Variants in MGMT observed in about 807,000 individuals in gnomAD.
MGMT encodes the protein O-6-methylguanine-DNA methyltransferase.
In MGMT, 14 loss-of-function variants were observed where a neutral mutation model predicts 15.9. That is an observed-to-expected ratio of 0.88 (90% CI 0.58 to 1.37). The LOEUF (loss-of-function observed/expected upper bound fraction) is 1.37. Among genes scored for constraint, MGMT ranks in the 40% most tolerant of loss-of-function variants. The probability of loss-of-function intolerance (pLI) is 0.00; values close to 1 mark genes in which losing one functional copy is unlikely to be tolerated. For synonymous variants in MGMT, 130 were observed against 118.2 expected, an observed-to-expected ratio of 1.10 and a Z score of -0.65; for missense variants, 282 against 268.1, an observed-to-expected ratio of 1.05 and a Z score of -0.36.
intron 2 of MGMT, among the ~76,000 whole-genome samples, chr10:129,683,898 G>A (rs1280076299): frequency 6.6e-6 from 1 of 152,166 alleles, no homozygotes; most frequent in African/African-American, 2.4e-5. Context: ...GCTCAAAACA[G>A]TTGCCTGATG....
intron 2 of MGMT, among the ~76,000 whole-genome samples, chr10:129,683,146 G>A (rs1226695885): frequency 6.6e-6 from 1 of 152,254 alleles, no homozygotes; most frequent in East Asian, 1.9e-4. Context: ...ACCACGCCCA[G>A]CCCATACCCA....
intron 2 of MGMT, among the ~76,000 whole-genome samples, chr10:129,572,334 A>G (rs1348452756): frequency 6.6e-6 from 1 of 152,262 alleles, no homozygotes; most frequent in Non-Finnish European, 1.5e-5. Context: ...CAAATCTTAG[A>G]TTAACACTGA....
intron 2 of MGMT, among the ~76,000 whole-genome samples, chr10:129,600,861 C>T (rs963743471): frequency 1.3e-5 from 2 of 152,144 alleles, no homozygotes; most frequent in Non-Finnish European, 2.9e-5. Context: ...AATTAGAAAA[C>T]ATTTTTCATA....
intron 2 of MGMT, among the ~76,000 whole-genome samples, chr10:129,610,090 T>G (rs1846941921): frequency 6.6e-6 from 1 of 152,240 alleles, no homozygotes; most frequent in South Asian, 2.1e-4. Flanking sequence ...TGGAGTATGC[T>G]TTGGTCTATT....
At position 129,603,821 on chromosome 10, in the gene MGMT, G is replaced by A. The variant is rs1466389187; in HGVS notation, c.125+67444G>A. Among the ~76,000 whole-genome samples the A allele has an allele frequency of 2.6e-5, 4 of 152,182 alleles. No individual in the cohort carries two copies. The East Asian group carries it at 7.7e-4, about 29-fold the overall frequency. ...TTAAGGGCTGTATTGAAAATAATCAGTTATTTTTATGTAATTTGAAAGTAA... is the reference window on the plus strand; with the variant it reads ...TTAAGGGCTGTATTGAAAATAATCAATTATTTTTATGTAATTTGAAAGTAA... On this transcript the variant is annotated intron_variant, in intron 2 of 4. Coordinates refer to ENST00000651593, the MANE Select transcript of MGMT (RefSeq NM_002412.5).
chr10:129,570,044 T>A (rs1846399420), intron 2 of MGMT, among the ~76,000 whole-genome samples: 1 of 152,240 alleles, frequency 6.6e-6, no homozygotes, highest in South Asian at 2.1e-4. Context: ...GAAGAGAAAG[T>A]TCCATTTCCC....
chr10:129,669,139 G>C (rs1035179392), intron 2 of MGMT, among the ~76,000 whole-genome samples: 4 of 152,042 alleles, frequency 2.6e-5, no homozygotes, highest in Non-Finnish European at 5.9e-5. Context: ...TAAAATTATA[G>C]GACACTAGGT....
At chr10:129,646,098 A>G (rs936571332) in intron 2 of MGMT, among the ~76,000 whole-genome samples, 10 of 137,594 alleles carry the variant, frequency 7.3e-5, no homozygotes, top group African/African-American at 2.9e-4. Flanking sequence ...TATGACATTT[A>G]TAAGCCAGAC....
At chr10:129,688,855 G>A (rs1393128246) in intron 2 of MGMT, among the ~76,000 whole-genome samples, 1 of 152,154 alleles carries the variant, frequency 6.6e-6, no homozygotes, top group African/African-American at 2.4e-5. Flanking sequence ...CATCAGACCT[G>A]AGGGACATCA....
intron 2 of MGMT, among the ~76,000 whole-genome samples, chr10:129,565,721 G>C (rs1041177740): frequency 6.6e-6 from 1 of 152,160 alleles, no homozygotes; most frequent in Non-Finnish European, 1.5e-5. Flanking sequence ...TCTGAACGTG[G>C]TGATGGAAGA....
intron 1 of MGMT, among the ~76,000 whole-genome samples, chr10:129,516,606 C>T (rs762530465): frequency 5.3e-5 from 8 of 152,194 alleles, no homozygotes; most frequent in Non-Finnish European, 8.8e-5. Flanking sequence ...AAGAATTCCT[C>T]TTCAATGGAA....
intron 1 of MGMT, among the ~76,000 whole-genome samples, chr10:129,483,908 A>G (rs963551260): frequency 1.3e-5 from 2 of 152,186 alleles, no homozygotes; most frequent in Non-Finnish European, 2.9e-5. Context: ...AGATATAGAT[A>G]TAGATACCTT....
chr10:129,491,231 G>C (rs1409425536), intron 1 of MGMT, among the ~76,000 whole-genome samples: 1 of 152,060 alleles, frequency 6.6e-6, no homozygotes, highest in Non-Finnish European at 1.5e-5. Context: ...AATAGTTATT[G>C]ATTGTTGAGT....
At chr10:129,677,728 A>G (rs1338788592) in intron 2 of MGMT, among the ~76,000 whole-genome samples, 1 of 152,136 alleles carries the variant, frequency 6.6e-6, no homozygotes. Flanking sequence ...ACTGGCTGTG[A>G]TCGGACTGCC....
chr10:129,509,443 G>T (rs942039409), intron 1 of MGMT, among the ~76,000 whole-genome samples: 4 of 152,130 alleles, frequency 2.6e-5, no homozygotes, highest in African/African-American at 4.8e-5. Flanking sequence ...GGCACATTCG[G>T]ATTTCCTTGT....
At chr10:129,602,208 C>CT (rs961720000) in intron 2 of MGMT, among the ~76,000 whole-genome samples, 5 of 150,814 alleles carry the variant, frequency 3.3e-5, no homozygotes, top group South Asian at 4.2e-4. Flanking sequence ...ATTTTTATTG[C>CT]TTTTTTTTTA....
At chr10:129,709,921 C>T (rs112020956) in intron 3 of MGMT, among the ~76,000 whole-genome samples, 15 of 152,240 alleles carry the variant, frequency 9.9e-5, no homozygotes, top group African/African-American at 2.9e-4. Flanking sequence ...AAGGTGGCAC[C>T]GGAAATAATC....
chr10:129,525,596 G>GATAATTTA, intron 1 of MGMT, among the ~76,000 whole-genome samples: 1 of 152,072 alleles, frequency 6.6e-6, no homozygotes, highest in South Asian at 2.1e-4. Context: ...TACAACCAAA[G>GATAATTTA]CATCATTAAT....
chr10:129,598,251 G>A (rs1486648256), intron 2 of MGMT, among the ~76,000 whole-genome samples: 1 of 151,814 alleles, frequency 6.6e-6, no homozygotes, highest in Non-Finnish European at 1.5e-5. Context: ...TCTCAGAGCA[G>A]ACTTAGGAGC....
Sources: allele counts gnomAD v4.1 joint callset (sites outside exome capture counted in the v4.1 genomes callset), GRCh38; gene constraint gnomAD v4.1.1; transcripts MANE v1.5; gene names NCBI Gene and HGNC (gene_info 2026-07-23, HGNC 2026-07-21).